Variants in PLA2G5 observed in about 807,000 individuals in gnomAD.
PLA2G5 encodes the protein phospholipase A2 group V.
Under a neutral mutation model 15.9 loss-of-function variants are expected in PLA2G5, and 12 were observed. The observed-to-expected ratio is 0.76, with a 90% CI of 0.48 to 1.23. PLA2G5 has a LOEUF of 1.23. Ranked by LOEUF, PLA2G5 falls within the 50% of genes most tolerant of loss-of-function variation. The pLI is 0.00. For missense variants in PLA2G5, 169 were observed against 177.1 expected (o/e 0.95, Z 0.26); for synonymous variants, 71 against 71.4 (o/e 0.99, Z 0.03).
chr1:20,083,508 T>C (rs748945875), intron 1 of PLA2G5, among the ~76,000 whole-genome samples: 4 of 151,688 alleles, frequency 2.6e-5, no homozygotes, highest in Non-Finnish European at 5.9e-5. Context: ...CTTTGGATCC[T>C]AGGAGGAAGG....
chr1:20,049,417 A>C lies in PLA2G5; in HGVS notation n.277-10215A>C, dbSNP rs144471501. On this transcript the variant is annotated intron_variant and non_coding_transcript_variant, in intron 1 of 6. Transcript: ENST00000460175. ...TTCTTAAGGAATTGATTTATTCTTA[A>C]TAAATTATAAGAGCTTTTAATTTTT... 8.8e-4 allele frequency among the ~76,000 whole-genome samples: 134 copies of C among 151,750 alleles called. 1 individual carries two copies. Among genetic ancestry groups the C allele is most frequent in the African/African-American group, 3.2e-3 (133 of 41,072 alleles).
At chr1:20,084,374 T>C (rs776741419) in intron 1 of PLA2G5, among the ~76,000 whole-genome samples, 1 of 152,346 alleles carries the variant, frequency 6.6e-6, no homozygotes, top group Non-Finnish European at 1.5e-5. Context: ...CCTTCTGCCC[T>C]CCTGCTGTGG....
At chr1:20,033,409 A>T (rs71647141) in intron 1 of PLA2G5, among the ~76,000 whole-genome samples, 5,830 of 152,274 alleles carry the variant, frequency 0.038, 167 homozygotes, top group Middle Eastern at 0.12. Context: ...CTGGAGGGTG[A>T]CTAGAGGGTT....
intron 1 of PLA2G5, among the ~76,000 whole-genome samples, chr1:20,041,821 A>G (rs1291272323): frequency 1.3e-5 from 2 of 152,124 alleles, no homozygotes; most frequent in Admixed American, 1.3e-4. Context: ...GAGTGACCAA[A>G]GAGAAGGAGA....
At chr1:20,090,527 G>T in intron 4 of PLA2G5, 41 bp from the exon 5 acceptor site, 5 of 1,612,730 alleles carry the variant, frequency 3.1e-6, no homozygotes, top group Non-Finnish European at 4.2e-6. Context: ...ACTGGAGCAT[G>T]CTCTTCCCAC....
rs565136200 is a variant in PLA2G5 at position 20,086,041 on chromosome 1, G to T, written c.41-42G>T. On this transcript the variant is annotated intron_variant, in intron 2 of 4. Coordinates refer to ENST00000375108, the MANE Select transcript of PLA2G5 (RefSeq NM_000929.3). ...TGGGCAGTGGGCCTAAAGCAGGGCT[G>T]GGCTGCCTGGGTGTCACCTGGGGAC... 1.9e-6 allele frequency: 3 copies of T among 1,610,752 alleles called. No individual in the cohort carries two copies. In the South Asian group the frequency reaches 3.3e-5, roughly 18 times the overall value.
intron 1 of PLA2G5, among the ~76,000 whole-genome samples, chr1:20,038,355 G>A (rs922723963): frequency 2.6e-5 from 4 of 152,110 alleles, no homozygotes; most frequent in African/African-American, 7.2e-5. Context: ...CCTTCTCCCT[G>A]TGATCTTTCC....
At chr1:20,049,324 A>G (rs1186070087) in intron 1 of PLA2G5, among the ~76,000 whole-genome samples, 11 of 152,248 alleles carry the variant, frequency 7.2e-5, no homozygotes, top group Admixed American at 7.2e-4. Flanking sequence ...GAACATTATA[A>G]TCTTTCTAGA....
chr1:20,079,320 C>A (rs1448678570), intron 1 of PLA2G5, among the ~76,000 whole-genome samples: 1 of 152,048 alleles, frequency 6.6e-6, no homozygotes, highest in Non-Finnish European at 1.5e-5. Context: ...TTTAAGAATT[C>A]ATTTAATCCT....
chr1:20,091,626 A>T lies in PLA2G5; in HGVS notation c.*934A>T, dbSNP rs1023200500. Among the ~76,000 whole-genome samples the T allele has an allele frequency of 6.6e-6, 1 of 151,752 alleles. No individual in the cohort carries two copies. The highest frequency in any genetic ancestry group is 1.5e-5 in the Non-Finnish European group (1 of 67,952). On this transcript the variant is annotated 3_prime_UTR_variant, in exon 5 of 5. Coordinates refer to ENST00000375108, the MANE Select transcript of PLA2G5 (RefSeq NM_000929.3). ...GGTTCTAGGATTTCACACAGCAGGA[A>T]TTTTTTTTTAATAGGTGTCAGCTGT... is the stretch of plus-strand genomic sequence containing the variant.
At chr1:20,047,203 T>A (rs899702646) in intron 1 of PLA2G5, among the ~76,000 whole-genome samples, 2 of 152,182 alleles carry the variant, frequency 1.3e-5, no homozygotes, top group East Asian at 3.9e-4. Context: ...GAGCCCTCTC[T>A]GAAGTCCTAG....
Position 20,090,593 on chromosome 1 carries a change from C to T in PLA2G5, c.318C>T (p.Asn106=). The T allele has an allele frequency of 6.2e-7, 1 of 1,614,058 alleles. No homozygotes were observed. Among genetic ancestry groups the T allele is most frequent in the Non-Finnish European group, 8.5e-7 (1 of 1,179,926 alleles). Reference sequence around the variant, plus strand: ...AGCCCGGGCCCTTCTGCCATGTGAACCTCTGTGCCTGTGACCGGAAGCTCG... The same window carrying T: ...AGCCCGGGCCCTTCTGCCATGTGAATCTCTGTGCCTGTGACCGGAAGCTCG... ...TCEPGPFCHV[N]LCACDRKLVY... The change falls in exon 5 of 5, where the codon AAC becomes AAT. Residue 106 remains asparagine (N), a synonymous_variant. Coordinates refer to ENST00000375108, the MANE Select transcript of PLA2G5 (RefSeq NM_000929.3).
intron 4 of PLA2G5, among the ~76,000 whole-genome samples, chr1:20,090,187 C>T (rs561535534): frequency 1.3e-5 from 2 of 152,310 alleles, no homozygotes; most frequent in Admixed American, 6.5e-5. Flanking sequence ...AGCTAGAAAG[C>T]CTGCCAGTGC....
chr1:20,087,511 A>G (rs1377017736), intron 3 of PLA2G5, among the ~76,000 whole-genome samples: 1 of 151,710 alleles, frequency 6.6e-6, no homozygotes, highest in Non-Finnish European at 1.5e-5. Context: ...CTCCTGCCTC[A>G]GTCTCCCAAG....
intron 2 of PLA2G5, among the ~76,000 whole-genome samples, chr1:20,064,007 G>A (rs1223564151): frequency 1.3e-5 from 2 of 152,196 alleles, no homozygotes; most frequent in African/African-American, 4.8e-5. Context: ...AATGCAAAAT[G>A]CACTTGACTT....
intron 1 of PLA2G5, among the ~76,000 whole-genome samples, chr1:20,082,426 T>C (rs1265401525): frequency 6.6e-6 from 1 of 151,846 alleles, no homozygotes. Context: ...GCAGGTCATA[T>C]ACCAGTTAAA....
chr1:20,089,706 CATGGTTGA>C (rs2016469167), intron 3 of PLA2G5, 75 bp from the exon 4 acceptor site: 1 of 1,068,558 alleles, frequency 9.4e-7, no homozygotes, highest in Non-Finnish European at 1.4e-6. Context: ...GCTAAAGTGA[CATGGTTGA>C]ATTTTTGCTC....
chr1:20,061,586 C>CAAAA (rs35346493), intron 2 of PLA2G5, among the ~76,000 whole-genome samples: 1 of 67,724 alleles, frequency 1.5e-5, no homozygotes, highest in South Asian at 6.2e-4. Context: ...ACCCTGTCTC[C>CAAAA]AAAAAAAAAA....
intron 1 of PLA2G5, among the ~76,000 whole-genome samples, chr1:20,051,375 G>A (rs2014170355): frequency 6.6e-6 from 1 of 152,180 alleles, no homozygotes; most frequent in Admixed American, 6.6e-5. Context: ...AGCAGAACAG[G>A]AATTAACTAC....
Sources: allele counts gnomAD v4.1 joint callset (sites outside exome capture counted in the v4.1 genomes callset), GRCh38; gene constraint gnomAD v4.1.1; transcripts MANE v1.5; gene names NCBI Gene and HGNC (gene_info 2026-07-23, HGNC 2026-07-21).